ERC2: variants seen among roughly 807,000 people sequenced by gnomAD.
ERC2 encodes ELKS/RAB6-interacting/CAST family member 2.
Under a neutral mutation model 114.8 loss-of-function variants are expected in ERC2, and 42 were observed. The observed-to-expected ratio is 0.37, with a 90% CI of 0.29 to 0.47. The LOEUF is 0.47. ERC2 is among the 20% of genes least tolerant of loss of function. ERC2 has a pLI of 0.99. For synonymous variants in ERC2, 454 were observed against 425.5 expected (o/e 1.07, Z -0.82); for missense variants, 939 against 1,150.7 (o/e 0.82, Z 2.66).
chr3:56,041,782 C>T (rs2075206625), intron 7 of ERC2, among the ~76,000 whole-genome samples: 1 of 152,158 alleles, frequency 6.6e-6, no homozygotes, highest in Non-Finnish European at 1.5e-5. Flanking sequence ...AGCCAATCCA[C>T]TTTCTTCTTT....
At chr3:55,828,225 C>A (rs925626151) in intron 14 of ERC2, among the ~76,000 whole-genome samples, 1 of 152,226 alleles carries the variant, frequency 6.6e-6, no homozygotes, top group Non-Finnish European at 1.5e-5. Flanking sequence ...CACAGACCAG[C>A]TCTCTTACTC....
chr3:55,884,787 G>T (rs371962615), intron 14 of ERC2, among the ~76,000 whole-genome samples: 1 of 151,974 alleles, frequency 6.6e-6, no homozygotes, highest in Non-Finnish European at 1.5e-5. Flanking sequence ...TGTGCCATTT[G>T]GTTTGCAAGG....
chr3:55,844,566 T>A (rs946327552), intron 14 of ERC2, among the ~76,000 whole-genome samples: 2 of 152,212 alleles, frequency 1.3e-5, no homozygotes, highest in African/African-American at 4.8e-5. Flanking sequence ...AGGCAAGACT[T>A]CTACAGTGCT....
intron 3 of ERC2, among the ~76,000 whole-genome samples, chr3:56,229,395 A>T (rs2050459944): frequency 6.6e-6 from 1 of 152,200 alleles, no homozygotes; most frequent in Non-Finnish European, 1.5e-5. Context: ...GATTTCACAG[A>T]TAAAGGCAGT....
chr3:56,152,568 G>A (rs1264118947), intron 4 of ERC2, among the ~76,000 whole-genome samples: 8 of 152,022 alleles, frequency 5.3e-5, no homozygotes, highest in Admixed American at 1.3e-4. Flanking sequence ...AGCACCTCAC[G>A]TCTCAGGCAA....
At chr3:56,148,880 A>G in intron 5 of ERC2, 97 bp downstream of exon 5, 1 of 1,093,516 alleles carries the variant, frequency 9.1e-7, no homozygotes, top group Non-Finnish European at 1.3e-6. Context: ...AATATCACAT[A>G]AAGCATATTA....
chr3:56,075,566 C>T (rs950303318), intron 7 of ERC2, among the ~76,000 whole-genome samples: 4 of 152,090 alleles, frequency 2.6e-5, no homozygotes, highest in South Asian at 2.1e-4. Context: ...CTTCTGGTAA[C>T]GTGCCATATG....
At chr3:56,133,986 G>A (rs746445374) in intron 6 of ERC2, among the ~76,000 whole-genome samples, 8 of 152,162 alleles carry the variant, frequency 5.3e-5, no homozygotes, top group Non-Finnish European at 1.0e-4. Context: ...AATGAAGCTA[G>A]CAGAATGCCT....
chr3:55,545,760 T>G (rs1274211705), intron 17 of ERC2, among the ~76,000 whole-genome samples: 1 of 152,120 alleles, frequency 6.6e-6, no homozygotes, highest in Non-Finnish European at 1.5e-5. Flanking sequence ...TCATAGTTGC[T>G]GTGCCAGGGG....
intron 15 of ERC2, among the ~76,000 whole-genome samples, chr3:55,720,136 CTTCTTCCTCTTCTTCTTCTTCTTCT>C (rs2064395884): frequency 0.038 from 119 of 3,098 alleles, 48 homozygotes; most frequent in South Asian, 0.094. Flanking sequence ...TCTTCCTCTT[CTTCTTCCTCTTCTTCTTCTTCTTCT>C]TCTTCTTCTT....
intron 2 of ERC2, among the ~76,000 whole-genome samples, chr3:56,339,276 T>C (rs1193547298): frequency 1.3e-5 from 2 of 152,026 alleles, no homozygotes; most frequent in African/African-American, 4.8e-5. Context: ...GACTAGAGGA[T>C]GAGAGGGAAG....
intron 7 of ERC2, among the ~76,000 whole-genome samples, chr3:56,049,026 G>A (rs76722708): frequency 0.013 from 1,911 of 152,214 alleles, 6 homozygotes; most frequent in African/African-American, 0.023. Flanking sequence ...GGGCCCTAAG[G>A]CAAAAAGGAG....
At chr3:56,097,642 T>C (rs1250787926) in intron 6 of ERC2, among the ~76,000 whole-genome samples, 2 of 152,204 alleles carry the variant, frequency 1.3e-5, no homozygotes, top group East Asian at 1.9e-4. Flanking sequence ...AGAGTAACAA[T>C]TGGTAATGGG....
At chr3:55,838,502 G>T (rs1194291625) in intron 14 of ERC2, among the ~76,000 whole-genome samples, 1 of 151,930 alleles carries the variant, frequency 6.6e-6, no homozygotes, top group Non-Finnish European at 1.5e-5. Context: ...AAAATATTTT[G>T]AACTGAATGA....
intron 17 of ERC2, among the ~76,000 whole-genome samples, chr3:55,682,642 GA>G (rs1220349990): frequency 2.0e-5 from 3 of 152,268 alleles, no homozygotes; most frequent in African/African-American, 7.2e-5. Flanking sequence ...AAGACTCGGG[GA>G]AAGACATACA....
At chr3:55,642,492 C>A (rs2148658271) in intron 17 of ERC2, among the ~76,000 whole-genome samples, 1 of 152,102 alleles carries the variant, frequency 6.6e-6, no homozygotes, top group African/African-American at 2.4e-5. Context: ...CACCATCATA[C>A]CCAGCTAATT....
At chr3:56,022,078 G>T (rs570225044) in intron 7 of ERC2, among the ~76,000 whole-genome samples, 1 of 152,076 alleles carries the variant, frequency 6.6e-6, no homozygotes, top group Middle Eastern at 3.2e-3. Flanking sequence ...ATTCCACTGG[G>T]TATATACCCA....
chr3:55,690,235 C>T (rs2062568796), intron 16 of ERC2, among the ~76,000 whole-genome samples: 1 of 152,150 alleles, frequency 6.6e-6, no homozygotes, highest in African/African-American at 2.4e-5. Context: ...AAGGATGCTT[C>T]CTACTCCCTT....
At position 56,434,648 on chromosome 3, in the gene ERC2, T is replaced by C. The variant is rs2061938500; in HGVS notation, c.360A>G (p.Gln120=). 1 of 1,614,008 alleles carries C rather than the reference T, an allele frequency of 6.2e-7. No individual in the cohort carries two copies. The highest frequency in any genetic ancestry group is 2.2e-5 in the East Asian group (1 of 44,874). The change falls in exon 2 of 18, where the codon CAA becomes CAG. Residue 120 remains glutamine (Q), a synonymous_variant. Transcript: ENST00000288221. The part of the protein sequence containing the change: ...SHTDVLSYTD[Q]HGGLTGSSHH... Reference sequence around the variant, plus strand: ...GGGATGAGCCAGTCAGCCCACCATGTTGATCTGTGTATGAAAGGACATCTG... The same window carrying C: ...GGGATGAGCCAGTCAGCCCACCATGCTGATCTGTGTATGAAAGGACATCTG...
Sources: gnomAD v4.1 joint callset for allele counts (sites outside exome capture counted in the v4.1 genomes callset) on GRCh38, gnomAD v4.1.1 for gene constraint, MANE v1.5 for transcripts, NCBI Gene and HGNC (gene_info 2026-07-23, HGNC 2026-07-21) for gene names.